Variants in PRR11 observed in about 807,000 individuals in gnomAD.
PRR11 encodes proline-rich protein 11.
A neutral mutation model predicts 45.6 loss-of-function variants in PRR11; 30 were observed. That is an observed-to-expected ratio of 0.66 (90% confidence interval 0.49 to 0.89). The LOEUF (loss-of-function observed/expected upper bound fraction) is 0.89. PRR11 is among the 40% of genes least tolerant of loss of function. PRR11 has a pLI of 0.00. For synonymous variants in PRR11, 128 were observed against 153.5 expected (o/e 0.83, Z 1.23); for missense variants, 373 against 424.8 (o/e 0.88, Z 1.07).
chr17:59,159,097 G>A (rs1449280217), intron 1 of PRR11, among the ~76,000 whole-genome samples: 1 of 152,186 alleles, frequency 6.6e-6, no homozygotes, highest in Non-Finnish European at 1.5e-5. Flanking sequence ...TGGGATTACA[G>A]GTGTGAGCCA....
At chr17:59,198,013 G>A in intron 9 of PRR11, 1 of 514,508 alleles carries the variant, frequency 1.9e-6, no homozygotes. Context: ...TACTTGGGAA[G>A]CTGTGTTGGA....
At chr17:59,177,375 G>A in intron 2 of PRR11, 1 of 519,896 alleles carries the variant, frequency 1.9e-6, no homozygotes, top group South Asian at 1.4e-5. Context: ...CTGAGTGTTG[G>A]GGTGACTGTG....
chr17:59,164,771 C>G (rs922273912), intron 1 of PRR11, among the ~76,000 whole-genome samples: 1 of 151,724 alleles, frequency 6.6e-6, no homozygotes, highest in African/African-American at 2.4e-5. Flanking sequence ...CCCAGCTACT[C>G]CGGAAGCGGA....
intron 9 of PRR11, 65 bp downstream of exon 9, chr17:59,197,854 T>C: frequency 7.1e-7 from 1 of 1,407,102 alleles, no homozygotes; most frequent in Admixed American, 1.7e-5. Flanking sequence ...GTGTGGTGGC[T>C]CATGACTGTA....
chr17:59,174,573 T>G (rs991858443), intron 2 of PRR11, among the ~76,000 whole-genome samples: 1 of 152,160 alleles, frequency 6.6e-6, no homozygotes, highest in African/African-American at 2.4e-5. Context: ...CCTCCCAGGC[T>G]CCAGTGATCC....
rs574494177 is a variant in PRR11 at position 59,167,978 on chromosome 17, G to A, written c.-5-1770G>A. The stretch of plus-strand genomic sequence containing the variant: ...TGGGAATGCAGCACAGTAGGTCTTA[G>A]CCTCATTTTACCCAGCTCCTATTCA... On this transcript the variant is annotated intron_variant, in intron 1 of 9. Transcript: ENST00000262293. Among the ~76,000 whole-genome samples, 16 of 152,036 alleles carry A rather than the reference G, an allele frequency of 1.1e-4. 1 individual carries two copies. The South Asian group carries it at 3.3e-3, about 32-fold the overall frequency.
chr17:59,170,306 A>C (rs762564261), intron 2 of PRR11, among the ~76,000 whole-genome samples: 2 of 152,002 alleles, frequency 1.3e-5, no homozygotes, highest in Non-Finnish European at 2.9e-5. Flanking sequence ...ACAATGAATA[A>C]TTTTTTCATA....
intron 1 of PRR11, among the ~76,000 whole-genome samples, chr17:59,157,238 G>T (rs1385102033): frequency 6.6e-6 from 1 of 152,136 alleles, no homozygotes; most frequent in Admixed American, 6.6e-5. Flanking sequence ...TATTCTAGAT[G>T]CTGGGAAAAC....
At chr17:59,195,645 G>A (rs1417927850) in intron 7 of PRR11, among the ~76,000 whole-genome samples, 2 of 152,140 alleles carry the variant, frequency 1.3e-5, no homozygotes, top group Non-Finnish European at 2.9e-5. Flanking sequence ...TATCACTGGA[G>A]ATAGCCACTG....
Position 59,195,436 on chromosome 17 carries a change from G to T in PRR11, c.850G>T (p.Val284Phe). The change falls in exon 7 of 10, where the codon GTC becomes TTC. Residue 284 changes from valine to phenylalanine, a missense_variant. Physicochemically the swap from Val to Phe is conservative, Grantham distance 50. Coordinates refer to ENST00000262293, the MANE Select transcript of PRR11 (RefSeq NM_018304.4). The stretch of plus-strand genomic sequence containing the variant: ...AGTGTTATCGACTCGAGTTACAAAC[G>T]TCTTAATGTAAGGAACTGCACAGTA... The part of the protein sequence containing the change: ...SKVLSTRVTN[V>F]LITPGKSQMD... 1.9e-6 allele frequency: 3 copies of T among 1,597,602 alleles called. 1 individual carries two copies. In the South Asian group the frequency reaches 3.3e-5, roughly 18 times the overall value.
chr17:59,176,854 G>A (rs967673819), intron 2 of PRR11, among the ~76,000 whole-genome samples: 6 of 151,834 alleles, frequency 4.0e-5, no homozygotes, highest in Non-Finnish European at 7.4e-5. Flanking sequence ...ACACCACCAT[G>A]CCTGGCTAAT....
intron 1 of PRR11, among the ~76,000 whole-genome samples, chr17:59,167,013 A>C (rs923249996): frequency 1.3e-5 from 2 of 152,138 alleles, no homozygotes; most frequent in South Asian, 2.1e-4. Flanking sequence ...AATACAAAAA[A>C]TTAGCCAGGC....
rs2046916742 is a variant in PRR11 at position 59,206,042 on chromosome 17, C to G, written c.*4411C>G. On this transcript the variant is annotated 3_prime_UTR_variant, in exon 10 of 10. Transcript: ENST00000262293. ...CTACAGTCTGGGCAACAGAGTGAGA[C>G]CTTGTCTCAAAAAAAAAAGAAAGAA... Among the ~76,000 whole-genome samples the G allele has an allele frequency of 6.6e-6, 1 of 150,850 alleles. No homozygotes were observed. The highest frequency in any genetic ancestry group is 2.4e-5 in the African/African-American group (1 of 41,010).
chr17:59,159,736 C>G (rs964424594), intron 1 of PRR11, among the ~76,000 whole-genome samples: 4 of 152,208 alleles, frequency 2.6e-5, no homozygotes, highest in Admixed American at 6.5e-5. Context: ...ATACCTTTCT[C>G]TGAAATGTTT....
At position 59,201,654 on chromosome 17, in the gene PRR11, G is replaced by A. The variant is rs770813294; in HGVS notation, c.*23G>A. On this transcript the variant is annotated 3_prime_UTR_variant, in exon 10 of 10. Transcript: ENST00000262293. ...TGATGCCAACTCTGCCTCACTCCAT[G>A]AGATGATCCATAACAAATACAGATA... 1.9e-6 allele frequency: 3 copies of A among 1,608,658 alleles called. No individual in the cohort carries two copies. In the Admixed American group the frequency reaches 5.0e-5, roughly 27 times the overall value.
chr17:59,181,075 C>T (rs2046782813), intron 2 of PRR11, among the ~76,000 whole-genome samples: 1 of 151,140 alleles, frequency 6.6e-6, no homozygotes, highest in Non-Finnish European at 1.5e-5. Context: ...CTGCAAGCAA[C>T]ACCTCCGGGG....
intron 2 of PRR11, chr17:59,181,640 G>A: frequency 6.7e-7 from 1 of 1,501,976 alleles, no homozygotes; most frequent in Non-Finnish European, 9.1e-7. Flanking sequence ...TCAGGGGCGA[G>A]CTCCTTCTCT....
chr17:59,177,285 G>A (rs180708472), intron 2 of PRR11: 32 of 545,160 alleles, frequency 5.9e-5, no homozygotes, highest in African/African-American at 5.6e-4. Flanking sequence ...CAGAAAGGGA[G>A]AGGTCACATC....
chr17:59,173,307 T>G (rs916525221), intron 2 of PRR11, among the ~76,000 whole-genome samples: 4 of 152,136 alleles, frequency 2.6e-5, no homozygotes, highest in Non-Finnish European at 5.9e-5. Context: ...CAGATAAGAA[T>G]AAAAGCAGGC....
Sources: gnomAD v4.1 joint callset for allele counts (sites outside exome capture counted in the v4.1 genomes callset) on GRCh38, gnomAD v4.1.1 for gene constraint, MANE v1.5 for transcripts, NCBI Gene and HGNC (gene_info 2026-07-23, HGNC 2026-07-21) for gene names.